Variants in PCDHGA1 observed in about 807,000 individuals in gnomAD.
PCDHGA1 encodes the protein protocadherin gamma subfamily A, 1, also known as protocadherin gamma-A1.
PCDHGA1 carries 32 observed loss-of-function variants against 58.0 expected under a neutral mutation model. The ratio of observed to expected loss-of-function variants is 0.55; its 90% CI spans 0.42 to 0.74. The LOEUF is 0.74. PCDHGA1 is among the 30% of genes least tolerant of loss of function. PCDHGA1 has a pLI of 0.00. For missense variants in PCDHGA1, 1,205 were observed against 1,182.3 expected (o/e 1.02, Z -0.28); for synonymous variants, 498 against 501.1 (o/e 0.99, Z 0.08).
rs1333168918 is a variant in PCDHGA1, at chr5:141,375,648, A to G, written c.2421+42543A>G. On this transcript the variant is annotated intron_variant, in intron 1 of 3. Coordinates refer to ENST00000517417, the MANE Select transcript of PCDHGA1 (RefSeq NM_018912.3). The stretch of plus-strand genomic sequence containing the variant: ...CTGTACGCCCTGCGCTCCTTCGACT[A>G]TGAGCAGTTGAGAGACCTACAGCTG... 3.7e-6 allele frequency: 6 copies of G among 1,614,030 alleles called. No individual in the cohort carries two copies. The African/African-American group carries it at 6.7e-5, about 18-fold the overall frequency.
chr5:141,350,528 GAGA>G (rs1177062364), intron 1 of PCDHGA1: 5 of 1,613,916 alleles, frequency 3.1e-6, no homozygotes, highest in Admixed American at 1.7e-5. Flanking sequence ...GATAGATCGA[GAGA>G]AGATTTGCGG....
At chr5:141,371,220 G>T in intron 1 of PCDHGA1, 2 of 1,613,994 alleles carry the variant, frequency 1.2e-6, no homozygotes, top group Non-Finnish European at 1.7e-6. Flanking sequence ...CATCAATGCC[G>T]AAATCATCTA....
At chr5:141,478,712 G>T in intron 1 of PCDHGA1, 1 of 1,547,046 alleles carries the variant, frequency 6.5e-7, no homozygotes, top group Non-Finnish European at 8.7e-7. Flanking sequence ...TTTGTGAGAT[G>T]GTGGCCTGCC....
intron 1 of PCDHGA1, chr5:141,418,346 A>G (rs780933957): frequency 1.7e-5 from 27 of 1,614,022 alleles, no homozygotes; most frequent in South Asian, 2.2e-5. Flanking sequence ...TCCTGATATT[A>G]GTATGAATTC....
chr5:141,442,725 G>A (rs1381140725), intron 1 of PCDHGA1, among the ~76,000 whole-genome samples: 1 of 152,198 alleles, frequency 6.6e-6, no homozygotes, highest in Admixed American at 6.5e-5. Flanking sequence ...AGCATTTGGG[G>A]CCTGTAGGTA....
chr5:141,490,454 C>T lies in PCDHGA1; in HGVS notation c.2422-4353C>T. The T allele has an allele frequency of 3.1e-6, 5 of 1,614,176 alleles. No homozygotes were observed. The highest frequency in any genetic ancestry group is 4.2e-6 in the Non-Finnish European group (5 of 1,180,020). On this transcript the variant is annotated intron_variant, in intron 1 of 3. Transcript: ENST00000517417. The surrounding 1 kb of genome is among the most constrained non-coding windows in gnomAD (Gnocchi z 5.4). The stretch of plus-strand genomic sequence containing the variant: ...ATTAAGCCTTCTGAGAACCACTACT[C>T]GCTGCTAACCAGCCAGCCTTTGGAC...
At chr5:141,467,564 G>A (rs926613546) in intron 1 of PCDHGA1, among the ~76,000 whole-genome samples, 5 of 152,152 alleles carry the variant, frequency 3.3e-5, no homozygotes, top group Admixed American at 3.3e-4. Flanking sequence ...TTCCCAAATG[G>A]CTATCCAGTT....
Position 141,338,768 on chromosome 5 carries a change from A to T in PCDHGA1, c.2421+5663A>T. The T allele has an allele frequency of 2.4e-6, 3 of 1,274,068 alleles. No homozygotes were observed. The South Asian group carries it at 9.1e-5, about 39-fold the overall frequency. The allele number at this position is 1,274,068 out of a possible 1,614,324, so 78.9% of individuals were successfully genotyped here. ...AAGGCAGCGAGACATCCAATCCAGC[A>T]ATACGGCTCCCACAGCACAAGGGGG... On this transcript the variant is annotated intron_variant, in intron 1 of 3. Transcript: ENST00000517417.
chr5:141,436,040 C>T (rs989038133), intron 1 of PCDHGA1, among the ~76,000 whole-genome samples: 1 of 152,060 alleles, frequency 6.6e-6, no homozygotes, highest in African/African-American at 2.4e-5. Context: ...TTTGTATTTA[C>T]ATTAGTTTTC....
At chr5:141,375,021 G>C (rs780712160) in intron 1 of PCDHGA1, 3 of 1,614,036 alleles carry the variant, frequency 1.9e-6, no homozygotes, top group Non-Finnish European at 2.5e-6. Context: ...GAGGACTCGA[G>C]TTTTTATGAG....
chr5:141,476,142 G>T lies in PCDHGA1; in HGVS notation c.2422-18665G>T. 6.2e-7 allele frequency: 1 copy of T among 1,610,446 alleles called. No individual in the cohort carries two copies. Among genetic ancestry groups the T allele is most frequent in the South Asian group, 1.1e-5 (1 of 90,868 alleles). On this transcript the variant is annotated intron_variant, in intron 1 of 3. Coordinates refer to ENST00000517417, the MANE Select transcript of PCDHGA1 (RefSeq NM_018912.3). The surrounding 1 kb of genome is among the most constrained non-coding windows in gnomAD (Gnocchi z 7.6). Reference sequence around the variant, plus strand: ...ATGGTCCCAGAGGCCTGGAGGAGCGGACTGGTAAGCACCGGGAGGGTAGTG... The same window carrying T: ...ATGGTCCCAGAGGCCTGGAGGAGCGTACTGGTAAGCACCGGGAGGGTAGTG...
intron 1 of PCDHGA1, chr5:141,393,417 A>C: frequency 6.2e-7 from 1 of 1,614,032 alleles, no homozygotes; most frequent in Non-Finnish European, 8.5e-7. Context: ...CGCCCTGGAC[A>C]GGGAGGAAGA....
chr5:141,485,563 C>A lies in PCDHGA1; in HGVS notation c.2422-9244C>A. 2 of 1,612,904 alleles carry A rather than the reference C, an allele frequency of 1.2e-6. No individual in the cohort carries two copies. The highest frequency in any genetic ancestry group is 1.7e-6 in the Non-Finnish European group (2 of 1,179,034). ...AGATCGTAGATGTGAATGATCACGC[C>A]CCCCGTTTTCCGCGGCAGCAGCTGG... On this transcript the variant is annotated intron_variant, in intron 1 of 3. Coordinates refer to ENST00000517417, the MANE Select transcript of PCDHGA1 (RefSeq NM_018912.3). This position sits in a 1 kb window ranked among gnomAD's most constrained non-coding sequence, Gnocchi z 5.7.
chr5:141,460,037 C>A (rs1203902962), intron 1 of PCDHGA1, among the ~76,000 whole-genome samples: 1 of 152,120 alleles, frequency 6.6e-6, no homozygotes, highest in African/African-American at 2.4e-5. Context: ...GAGACTGCAC[C>A]ACTGCACTCC....
intron 1 of PCDHGA1, among the ~76,000 whole-genome samples, chr5:141,472,274 G>A (rs1170341842): frequency 6.6e-6 from 1 of 152,176 alleles, no homozygotes; most frequent in Admixed American, 6.5e-5. Flanking sequence ...GGGCACAGTG[G>A]CTCACACCTG....
chr5:141,496,621 CA>C (rs2099769988), intron 2 of PCDHGA1, among the ~76,000 whole-genome samples: 1 of 152,332 alleles, frequency 6.6e-6, no homozygotes, highest in Non-Finnish European at 1.5e-5. Flanking sequence ...AGCAGCAGAT[CA>C]AAAGGCTTGG....
At chr5:141,361,471 A>C (rs748732304) in intron 1 of PCDHGA1, 2 of 1,613,988 alleles carry the variant, frequency 1.2e-6, no homozygotes, top group South Asian at 2.2e-5. Flanking sequence ...CTCCGACGTC[A>C]ACGATAATGC....
intron 1 of PCDHGA1, chr5:141,478,131 A>G (rs747801474): frequency 6.2e-7 from 1 of 1,614,064 alleles, no homozygotes; most frequent in Non-Finnish European, 8.5e-7. Flanking sequence ...GACTCTCCTG[A>G]AGCCCGAGCC....
At chr5:141,379,452 A>G (rs1775607962) in intron 1 of PCDHGA1, 1 of 152,242 alleles carries the variant, frequency 6.6e-6, no homozygotes, top group Non-Finnish European at 1.5e-5. Flanking sequence ...TGATTATTTC[A>G]TAAACTCTGA....
Sources: allele counts gnomAD v4.1 joint callset (sites outside exome capture counted in the v4.1 genomes callset), GRCh38; gene constraint gnomAD v4.1.1; non-coding constraint Gnocchi (gnomAD v3.1); transcripts MANE v1.5; gene names NCBI Gene and HGNC (gene_info 2026-07-23, HGNC 2026-07-21).